Variants in DGKG observed in about 807,000 individuals in gnomAD.
DGKG encodes diacylglycerol kinase gamma, also known as DAG kinase gamma.
Under a neutral mutation model 105.3 loss-of-function variants are expected in DGKG, and 78 were observed. That is an observed-to-expected ratio of 0.74 (90% CI 0.62 to 0.89). The LOEUF is 0.89. Among genes scored for constraint, DGKG ranks in the 40% least tolerant of loss-of-function variants. DGKG has a pLI of 0.00. For synonymous variants in DGKG, 346 were observed against 367.1 expected (o/e 0.94, Z 0.66); for missense variants, 958 against 1,020.1 (o/e 0.94, Z 0.83).
At chr3:186,281,614 T>A (rs13325300) in intron 7 of DGKG, among the ~76,000 whole-genome samples, 7,963 of 152,252 alleles carry the variant, frequency 0.052, 231 homozygotes, top group Middle Eastern at 0.15. Context: ...GCAGGGATTT[T>A]AAAAAATTGT....
chr3:186,342,574 T>C (rs1726137801), intron 1 of DGKG, among the ~76,000 whole-genome samples: 1 of 152,176 alleles, frequency 6.6e-6, no homozygotes, highest in African/African-American at 2.4e-5. Flanking sequence ...TTTTTTGTTT[T>C]GTTTTATTTC....
chr3:186,234,985 C>A (rs1006273638), intron 20 of DGKG, among the ~76,000 whole-genome samples: 4 of 151,678 alleles, frequency 2.6e-5, no homozygotes, highest in Non-Finnish European at 5.9e-5. Context: ...AACAATCCAA[C>A]AACAACAACA....
At chr3:186,171,303 C>T (rs530926768) in intron 22 of DGKG, among the ~76,000 whole-genome samples, 185 of 152,226 alleles carry the variant, frequency 1.2e-3, no homozygotes, top group African/African-American at 4.2e-3. Flanking sequence ...AATATAGATG[C>T]TTTAGAGCCA....
At chr3:186,263,260 G>A (rs1721870512) in intron 14 of DGKG, among the ~76,000 whole-genome samples, 1 of 152,026 alleles carries the variant, frequency 6.6e-6, no homozygotes, top group African/African-American at 2.4e-5. Flanking sequence ...CAACTAAAAT[G>A]ATTGCACTTA....
At chr3:186,350,068 T>A (rs187321986) in intron 1 of DGKG, among the ~76,000 whole-genome samples, 133 of 152,162 alleles carry the variant, frequency 8.7e-4, no homozygotes, top group African/African-American at 3.2e-3. Flanking sequence ...GTAGTTTTTT[T>A]AAGTAGAGAT....
chr3:186,276,432 C>T (rs1278097931), intron 9 of DGKG, among the ~76,000 whole-genome samples: 10 of 152,172 alleles, frequency 6.6e-5, no homozygotes, highest in Admixed American at 6.5e-4. Context: ...TTATTGTATT[C>T]TCTGATTTCT....
chr3:186,276,685 C>T (rs1459813900), intron 9 of DGKG, among the ~76,000 whole-genome samples: 1 of 152,210 alleles, frequency 6.6e-6, no homozygotes, highest in Non-Finnish European at 1.5e-5. Flanking sequence ...TCCCACATCC[C>T]ATCCCAGGGG....
intron 20 of DGKG, among the ~76,000 whole-genome samples, chr3:186,212,890 T>TG (rs2108521543): frequency 6.6e-6 from 1 of 152,328 alleles, no homozygotes; most frequent in South Asian, 2.1e-4. Context: ...CCACCTTGCA[T>TG]GGCGCTAATC....
At chr3:186,351,235 T>C (rs758490142) in intron 1 of DGKG, among the ~76,000 whole-genome samples, 1 of 152,234 alleles carries the variant, frequency 6.6e-6, no homozygotes, top group Non-Finnish European at 1.5e-5. Flanking sequence ...ATTGGTGTCC[T>C]TTGCTAGTTG....
chr3:186,175,954 T>C (rs992427049), intron 22 of DGKG, among the ~76,000 whole-genome samples: 3 of 152,212 alleles, frequency 2.0e-5, no homozygotes, highest in Admixed American at 6.5e-5. Flanking sequence ...ACTTGCCTAA[T>C]ATCAGATAGC....
chr3:186,257,773 C>T, intron 17 of DGKG, 81 bp downstream of exon 17: 1 of 1,128,758 alleles, frequency 8.9e-7, no homozygotes, highest in Non-Finnish European at 1.3e-6. Flanking sequence ...CTCCATGTCT[C>T]TTTCTTTTTT....
rs150564599 is a variant in DGKG at position 186,226,446 on chromosome 3, C to T, written c.1827-14561G>A. On this transcript the variant is annotated intron_variant, in intron 20 of 24. Coordinates refer to ENST00000265022, the MANE Select transcript of DGKG (RefSeq NM_001346.3). The surrounding 1 kb of genome is among the most constrained non-coding windows in gnomAD (Gnocchi z 4.2). ...ACCCCAACCCTGCATATACAGAAAC[C>T]GTGATTATGAGCAGCCGCTTCCCCT... 1.2e-3 allele frequency among the ~76,000 whole-genome samples: 179 copies of T among 152,150 alleles called. 1 individual carries two copies. Among genetic ancestry groups the T allele is most frequent in the African/African-American group, 3.9e-3 (161 of 41,532 alleles).
chr3:186,167,761 T>TCACC (rs962753392), intron 22 of DGKG, among the ~76,000 whole-genome samples: 9 of 14,972 alleles, frequency 6.0e-4, no homozygotes, highest in African/African-American at 2.1e-3. Flanking sequence ...AAACAGGAAT[T>TCACC]CACTCACTCA....
chr3:186,281,704 G>A (rs773588343), intron 7 of DGKG, among the ~76,000 whole-genome samples: 11 of 152,208 alleles, frequency 7.2e-5, no homozygotes, highest in African/African-American at 2.7e-4. Flanking sequence ...TGGGCACAAA[G>A]GTGGGGAAAG....
At chr3:186,252,388 C>T (rs1487648767) in intron 18 of DGKG, among the ~76,000 whole-genome samples, 1 of 152,264 alleles carries the variant, frequency 6.6e-6, no homozygotes, top group African/African-American at 2.4e-5. Context: ...GACTCATTCT[C>T]TGAATTAGCA....
chr3:186,315,294 G>C lies in DGKG; in HGVS notation c.67+5099C>G, dbSNP rs1724762711. Among the ~76,000 whole-genome samples, 6 of 152,194 alleles carry C rather than the reference G, an allele frequency of 3.9e-5. No individual in the cohort carries two copies. In the South Asian group the frequency reaches 1.2e-3, roughly 32 times the overall value. On this transcript the variant is annotated intron_variant, in intron 2 of 24. Transcript: ENST00000265022. ...CTATAACTTCCTCCCATTAGTCCTA[G>C]GGCTACCTCTTGAAGCCATTCAAAA...
chr3:186,307,017 G>A, intron 2 of DGKG, 40 bp from the exon 3 acceptor site: 1 of 1,367,346 alleles, frequency 7.3e-7, no homozygotes, highest in Non-Finnish European at 1.0e-6. Flanking sequence ...CTGGCAAATA[G>A]CTAATGGAAG....
At chr3:186,313,612 A>G (rs1724664578) in intron 2 of DGKG, 1 of 742,756 alleles carries the variant, frequency 1.3e-6, no homozygotes, top group African/African-American at 1.9e-5. Flanking sequence ...AGCTTGTTAG[A>G]AAAGCAGATT....
At chr3:186,219,930 T>A (rs1719481887) in intron 20 of DGKG, among the ~76,000 whole-genome samples, 1 of 152,206 alleles carries the variant, frequency 6.6e-6, no homozygotes, top group African/African-American at 2.4e-5. Flanking sequence ...AGGGACTTAT[T>A]ATAGCCAGGG....
Sources: gnomAD v4.1 joint callset for allele counts (sites outside exome capture counted in the v4.1 genomes callset) on GRCh38, gnomAD v4.1.1 for gene constraint, Gnocchi (gnomAD v3.1) non-coding constraint, MANE v1.5 for transcripts, NCBI Gene and HGNC (gene_info 2026-07-23, HGNC 2026-07-21) for gene names.